Variants in CAMK1D observed in about 807,000 individuals in gnomAD.
CAMK1D encodes calcium/calmodulin-dependent protein kinase type 1D.
A neutral mutation model predicts 47.7 loss-of-function variants in CAMK1D; 9 were observed. The ratio of observed to expected loss-of-function variants is 0.19; its 90% CI spans 0.11 to 0.33. CAMK1D has a LOEUF of 0.33. Ranked by LOEUF, CAMK1D falls within the 10% of genes least tolerant of loss-of-function variation. The pLI is 1.00. For synonymous variants in CAMK1D, 184 were observed against 184.9 expected, an observed-to-expected ratio of 0.99 and a Z score of 0.04; for missense variants, 291 against 488.7, an observed-to-expected ratio of 0.60 and a Z score of 3.81.
intron 1 of CAMK1D, among the ~76,000 whole-genome samples, chr10:12,401,246 ATATAATATAT>A (rs1486967844): frequency 8.0e-5 from 3 of 37,702 alleles, no homozygotes; most frequent in African/African-American, 3.3e-4. Context: ...TTTTATATAT[ATATAATATAT>A]GTATTATATA....
chr10:12,510,887 G>T (rs1321097961), intron 1 of CAMK1D, among the ~76,000 whole-genome samples: 2 of 152,194 alleles, frequency 1.3e-5, no homozygotes, highest in African/African-American at 4.8e-5. Flanking sequence ...ACACACAATT[G>T]ATTTCTCATT....
At chr10:12,401,149 T>A (rs12771830) in intron 1 of CAMK1D, among the ~76,000 whole-genome samples, 4 of 64,160 alleles carry the variant, frequency 6.2e-5, no homozygotes, top group African/African-American at 2.1e-4. Flanking sequence ...ATATATATAT[T>A]TTATATATAT....
chr10:12,686,854 G>A (rs1832684245), intron 3 of CAMK1D, among the ~76,000 whole-genome samples: 1 of 152,074 alleles, frequency 6.6e-6, no homozygotes, highest in African/African-American at 2.4e-5. Flanking sequence ...TTCTTCCCAT[G>A]GCTTTAAGGC....
At chr10:12,828,356 G>A (rs760568612) in intron 10 of CAMK1D, among the ~76,000 whole-genome samples, 2 of 134,628 alleles carry the variant, frequency 1.5e-5, no homozygotes, top group Non-Finnish European at 3.2e-5. Flanking sequence ...TTGGGTCCCC[G>A]CAAGTTGGGC....
At chr10:12,734,346 ATATATATATATATATATATAT>A in intron 3 of CAMK1D, among the ~76,000 whole-genome samples, 1 of 4,578 alleles carries the variant, frequency 2.2e-4, no homozygotes, top group African/African-American at 4.5e-4. Flanking sequence ...AAAAAAAAAA[ATATATATATATATATATATAT>A]ATATATATAT....
rs190474898 is a variant in CAMK1D at position 12,463,545 on chromosome 10, A to G, written c.93-89680A>G. Reference sequence around the variant, plus strand: ...TGGTTTGTTTATAATGCAACAACTTATCTTTTTAAGTAAACATGAATTCAT... The same window carrying G: ...TGGTTTGTTTATAATGCAACAACTTGTCTTTTTAAGTAAACATGAATTCAT... On this transcript the variant is annotated intron_variant, in intron 1 of 10. Coordinates refer to ENST00000619168, the MANE Select transcript of CAMK1D (RefSeq NM_153498.4). Among the ~76,000 whole-genome samples the G allele has an allele frequency of 2.8e-4, 43 of 152,250 alleles. 1 individual carries two copies. The highest frequency in any genetic ancestry group is 2.6e-3 in the Admixed American group (39 of 15,290).
At position 12,584,072 on chromosome 10, in the gene CAMK1D, T is replaced by G. The variant is rs527388205; in HGVS notation, c.224+30716T>G. 4.5e-4 allele frequency among the ~76,000 whole-genome samples: 68 copies of G among 152,340 alleles called. No homozygotes were observed. In the South Asian group the frequency reaches 6.4e-3, roughly 14 times the overall value. On this transcript the variant is annotated intron_variant, in intron 2 of 10. Coordinates refer to ENST00000619168, the MANE Select transcript of CAMK1D (RefSeq NM_153498.4). The stretch of plus-strand genomic sequence containing the variant: ...ACCTATATTCCTTTTTATCTTTGCA[T>G]GCTTAGAGAGCAGGAAGTTGAACTT...
intron 8 of CAMK1D, among the ~76,000 whole-genome samples, chr10:12,821,173 C>T (rs1256817261): frequency 6.6e-6 from 1 of 152,194 alleles, no homozygotes; most frequent in East Asian, 1.9e-4. Context: ...GTTCCTCTTC[C>T]TGTTTTTCAT....
chr10:12,555,774 T>C (rs1014057261), intron 2 of CAMK1D, among the ~76,000 whole-genome samples: 1 of 152,218 alleles, frequency 6.6e-6, no homozygotes, highest in African/African-American at 2.4e-5. Context: ...GGGTGATGAC[T>C]GTATTTTGGT....
intron 2 of CAMK1D, among the ~76,000 whole-genome samples, chr10:12,598,777 G>A (rs1379206469): frequency 6.6e-6 from 1 of 152,172 alleles, no homozygotes; most frequent in African/African-American, 2.4e-5. Context: ...AAAATTAAAC[G>A]AATACGGGTC....
intron 2 of CAMK1D, among the ~76,000 whole-genome samples, chr10:12,599,671 C>T (rs143167722): frequency 6.6e-5 from 10 of 152,296 alleles, no homozygotes; most frequent in African/African-American, 2.4e-4. Context: ...GCCTTTGTGT[C>T]CTCCATGAAG....
At chr10:12,543,401 G>T (rs1194554000) in intron 1 of CAMK1D, among the ~76,000 whole-genome samples, 2 of 152,136 alleles carry the variant, frequency 1.3e-5, no homozygotes, top group Admixed American at 6.5e-5. Context: ...TTAGAAACTG[G>T]AAAAGATTAT....
chr10:12,597,068 G>C (rs932441910), intron 2 of CAMK1D, among the ~76,000 whole-genome samples: 1 of 151,990 alleles, frequency 6.6e-6, no homozygotes, highest in Non-Finnish European at 1.5e-5. Flanking sequence ...CCATCAGTGG[G>C]GATGGAAAAT....
chr10:12,463,470 AT>A (rs142351831), intron 1 of CAMK1D, among the ~76,000 whole-genome samples: 2,239 of 152,292 alleles, frequency 0.015, 35 homozygotes, highest in East Asian at 0.045. Flanking sequence ...TTATGCATAA[AT>A]ATATCATAGG....
At chr10:12,496,559 A>G (rs980514362) in intron 1 of CAMK1D, among the ~76,000 whole-genome samples, 3 of 152,156 alleles carry the variant, frequency 2.0e-5, no homozygotes, top group Non-Finnish European at 4.4e-5. Flanking sequence ...AGGTGGAACT[A>G]TGGCCTCCAT....
intron 1 of CAMK1D, among the ~76,000 whole-genome samples, chr10:12,540,786 G>A (rs1312041548): frequency 2.6e-5 from 4 of 152,188 alleles, no homozygotes; most frequent in Non-Finnish European, 5.9e-5. Flanking sequence ...AGATGAGAAC[G>A]TTTCAGTAAG....
intron 3 of CAMK1D, among the ~76,000 whole-genome samples, chr10:12,698,924 G>C (rs761307852): frequency 3.3e-5 from 5 of 151,970 alleles, no homozygotes; most frequent in Non-Finnish European, 7.4e-5. Flanking sequence ...GCCTACCTCA[G>C]CCTCCCAAAA....
intron 1 of CAMK1D, among the ~76,000 whole-genome samples, chr10:12,481,849 C>T (rs1834074757): frequency 6.6e-6 from 1 of 152,166 alleles, no homozygotes; most frequent in South Asian, 2.1e-4. Flanking sequence ...CAGTGAATTG[C>T]TTTTGTCTGT....
At chr10:12,506,882 C>T (rs1010223191) in intron 1 of CAMK1D, among the ~76,000 whole-genome samples, 30 of 152,180 alleles carry the variant, frequency 2.0e-4, no homozygotes, top group Admixed American at 1.0e-3. Context: ...CTGCCAACCT[C>T]GGGTCACATC....
Sources: allele counts gnomAD v4.1 joint callset (sites outside exome capture counted in the v4.1 genomes callset), GRCh38; gene constraint gnomAD v4.1.1; transcripts MANE v1.5; gene names NCBI Gene and HGNC (gene_info 2026-07-23, HGNC 2026-07-21).